Variants in USP6NL observed in about 807,000 individuals in gnomAD.
The protein encoded by USP6NL is USP6 N-terminal like, also known as USP6 N-terminal-like protein.
A neutral mutation model predicts 61.9 loss-of-function variants in USP6NL; 26 were observed. That is an observed-to-expected ratio of 0.42 (90% CI 0.31 to 0.58). The LOEUF is 0.58. Among genes scored for constraint, USP6NL ranks in the 20% least tolerant of loss-of-function variants. The probability of loss-of-function intolerance (pLI) is 0.16; values close to 1 mark genes in which losing one functional copy is unlikely to be tolerated. For synonymous variants in USP6NL, 432 were observed against 390.1 expected, an observed-to-expected ratio of 1.11 and a Z score of -1.27; for missense variants, 1,114 against 1,034.3, an observed-to-expected ratio of 1.08 and a Z score of -1.06.
At chr10:11,566,352 A>G (rs931406504) in intron 2 of USP6NL, among the ~76,000 whole-genome samples, 4 of 152,250 alleles carry the variant, frequency 2.6e-5, no homozygotes, top group African/African-American at 9.6e-5. Context: ...ACAAAGCATA[A>G]TAAATCTGAA....
intron 2 of USP6NL, among the ~76,000 whole-genome samples, chr10:11,556,010 C>T (rs901800107): frequency 5.3e-5 from 8 of 151,952 alleles, no homozygotes; most frequent in Admixed American, 6.6e-5. Context: ...AGGGGTTCTA[C>T]GAGCAGAAAA....
chr10:11,564,266 A>G (rs1837042150), intron 2 of USP6NL: 2 of 152,226 alleles, frequency 1.3e-5, no homozygotes, highest in Admixed American at 6.5e-5. Context: ...TATTTAAATT[A>G]TATCAAGATA....
chr10:11,534,067 A>G (rs1435544406), intron 2 of USP6NL, among the ~76,000 whole-genome samples: 1 of 151,782 alleles, frequency 6.6e-6, no homozygotes, highest in African/African-American at 2.4e-5. Context: ...ATCATCCTAC[A>G]TATCTGAACA....
Position 11,462,670 on chromosome 10 carries a change from G to A in USP6NL, c.2258C>T (p.Thr753Ile). ...TAAATTGCCACGGCTAGCATCTCGG[G>A]TCCATGATTGTCCCTGCGTCTCAGG... ...YRPETQGQSW[T>I]RDASRGNLPK... The change falls in exon 15 of 15, where the codon ACC (threonine) becomes ATC (isoleucine). Residue 753 changes from threonine (T) to isoleucine (I), a missense_variant. By Grantham distance (89) the Thr-to-Ile change is moderately conservative. Transcript: ENST00000609104. The A allele has an allele frequency of 6.2e-7, 1 of 1,613,984 alleles. No homozygotes were observed. The highest frequency in any genetic ancestry group is 8.5e-7 in the Non-Finnish European group (1 of 1,179,888).
rs767577447 is a variant in USP6NL, at chr10:11,581,067, AAACT to A, written c.4+16560_4+16563del. 1.5e-3 allele frequency among the ~76,000 whole-genome samples: 230 copies of A among 152,350 alleles called. 2 individuals are homozygous for A. Among genetic ancestry groups the A allele is most frequent in the Non-Finnish European group, 6.6e-4 (45 of 68,034 alleles). Reference sequence around the variant, plus strand: ...ACACCCTAGACTCTTAAAGAATTACAAACTAATAGGTCTCTATTTTCTTCTTTTT... The same window carrying A: ...ACACCCTAGACTCTTAAAGAATTACAAATAGGTCTCTATTTTCTTCTTTTT... On this transcript the variant is annotated intron_variant, in intron 2 of 14. Coordinates refer to ENST00000609104, the MANE Select transcript of USP6NL (RefSeq NM_014688.5).
At chr10:11,551,863 T>C (rs572678597) in intron 2 of USP6NL, among the ~76,000 whole-genome samples, 32 of 152,320 alleles carry the variant, frequency 2.1e-4, no homozygotes, top group African/African-American at 6.5e-4. Flanking sequence ...TTGAAATAGT[T>C]GGGGCAGCTC....
chr10:11,467,383 C>T (rs550385789), intron 14 of USP6NL, among the ~76,000 whole-genome samples: 2 of 152,166 alleles, frequency 1.3e-5, no homozygotes, highest in African/African-American at 4.8e-5. Flanking sequence ...GAAACAAATT[C>T]TCCAATTTGA....
Position 11,461,066 on chromosome 10 carries a change from T to C in USP6NL, c.*1375A>G, listed in dbSNP as rs1177915534. ...ACCTTGAAAGTTTAAAGCCCCACCT[T>C]GCAACAGGAAGAAACATCAATGTCG... On this transcript the variant is annotated 3_prime_UTR_variant, in exon 15 of 15. Coordinates refer to ENST00000609104, the MANE Select transcript of USP6NL (RefSeq NM_014688.5). 6.6e-6 allele frequency: 1 copy of C among 152,394 alleles called. No individual in the cohort carries two copies. Among genetic ancestry groups the C allele is most frequent in the African/African-American group, 2.4e-5 (1 of 41,454 alleles). The allele number at this position is 152,394 out of a possible 1,614,324, so 9.4% of individuals were successfully genotyped here.
Position 11,532,841 on chromosome 10 carries a change from G to T in USP6NL, c.5-5274C>A, listed in dbSNP as rs1835711636. 6.6e-6 allele frequency among the ~76,000 whole-genome samples: 1 copy of T among 152,082 alleles called. No individual in the cohort carries two copies. The highest frequency in any genetic ancestry group is 1.5e-5 in the Non-Finnish European group (1 of 68,008). On this transcript the variant is annotated intron_variant, in intron 2 of 14. Transcript: ENST00000609104. The surrounding 1 kb of genome is among the most constrained non-coding windows in gnomAD (Gnocchi z 4.1). ...AATACATGCTAAAGTAGTGGTTTTG[G>T]ACGTTTTTAACAAACCACACACACA...
rs1298785381 is a variant in USP6NL at position 11,465,951 on chromosome 10, AC to A, written c.1079-2103del. 2.0e-5 allele frequency among the ~76,000 whole-genome samples: 3 copies of A among 152,234 alleles called. No individual in the cohort carries two copies. Among genetic ancestry groups the A allele is most frequent in the African/African-American group, 7.2e-5 (3 of 41,454 alleles). On this transcript the variant is annotated intron_variant, in intron 14 of 14. Transcript: ENST00000609104. This position sits in a 1 kb window ranked among gnomAD's most constrained non-coding sequence, Gnocchi z 4.5. ...TTTTCAGTGTCAACAATGTAATGAA[AC>A]AAACTACAGTGATTATAATAAAATG...
intron 8 of USP6NL, among the ~76,000 whole-genome samples, chr10:11,492,559 T>C (rs1257097999): frequency 4.6e-5 from 7 of 152,208 alleles, no homozygotes; most frequent in Non-Finnish European, 1.0e-4. Context: ...CCTGTGGATT[T>C]TGGCCTTGCC....
At position 11,561,393 on chromosome 10, in the gene USP6NL, A is replaced by T. The variant is rs1432527227; in HGVS notation, c.5-33826T>A. Among the ~76,000 whole-genome samples, 1 of 152,232 alleles carries T rather than the reference A, an allele frequency of 6.6e-6. No individual in the cohort carries two copies. Among genetic ancestry groups the T allele is most frequent in the Non-Finnish European group, 1.5e-5 (1 of 68,038 alleles). On this transcript the variant is annotated intron_variant, in intron 2 of 14. Transcript: ENST00000609104. This position sits in a 1 kb window ranked among gnomAD's most constrained non-coding sequence, Gnocchi z 4.1. ...CACATTCTAAAACAGATTTAAACAT[A>T]CCATACACAGGATACACATGTGCAT... is the stretch of plus-strand genomic sequence containing the variant.
chr10:11,532,397 G>GT lies in USP6NL; in HGVS notation c.5-4831dup, dbSNP rs1189312429. The GT allele has an allele frequency of 1.8e-6, 1 of 544,994 alleles. No homozygotes were observed. Among genetic ancestry groups the GT allele is most frequent in the African/African-American group, 1.9e-5 (1 of 52,310 alleles). 33.8% of individuals were successfully genotyped at this position (544,994 alleles called of 1,614,324 possible). A position where few individuals can be genotyped will look rare whatever the true frequency, so the allele number is the denominator to read the frequency against. The stretch of plus-strand genomic sequence containing the variant: ...TGTGAAACAAGCACAAGAAGAAAAA[G>GT]TTTGAGATGCACTCTGTCTTCTTCT... On this transcript the variant is annotated intron_variant, in intron 2 of 14. Coordinates refer to ENST00000609104, the MANE Select transcript of USP6NL (RefSeq NM_014688.5). The surrounding 1 kb of genome is among the most constrained non-coding windows in gnomAD (Gnocchi z 4.1).
At chr10:11,530,180 T>G (rs1035547514) in intron 2 of USP6NL, among the ~76,000 whole-genome samples, 15 of 151,596 alleles carry the variant, frequency 9.9e-5, no homozygotes, top group Admixed American at 9.2e-4. Flanking sequence ...ATTTCTATTA[T>G]CAGAACTGCA....
chr10:11,581,106 C>T (rs554599405), intron 2 of USP6NL, among the ~76,000 whole-genome samples: 3 of 152,202 alleles, frequency 2.0e-5, no homozygotes, highest in African/African-American at 7.2e-5. Context: ...TGTCAATACA[C>T]ATCTCTAATA....
intron 2 of USP6NL, among the ~76,000 whole-genome samples, chr10:11,536,256 C>T (rs934905691): frequency 2.0e-5 from 3 of 152,130 alleles, no homozygotes; most frequent in Non-Finnish European, 4.4e-5. Flanking sequence ...TCCTCTTGAC[C>T]CTTTTATTTC....
chr10:11,530,206 T>C (rs535150441), intron 2 of USP6NL, among the ~76,000 whole-genome samples: 2 of 152,252 alleles, frequency 1.3e-5, no homozygotes, highest in South Asian at 4.1e-4. Flanking sequence ...TGAATTTCTT[T>C]AGTAATCAGG....
Position 11,485,032 on chromosome 10 carries a change from G to A in USP6NL, c.864C>T (p.Tyr288=), listed in dbSNP as rs371490891. The A allele has an allele frequency of 5.3e-5, 82 of 1,551,282 alleles. No homozygotes were observed. The African/African-American group carries it at 1.1e-3, about 20-fold the overall frequency. Residue 288 remains tyrosine (Y), a synonymous_variant, in exon 13 of 15, where the codon TAC becomes TAT. Transcript: ENST00000609104. The surrounding 1 kb of genome is among the most constrained non-coding windows in gnomAD (Gnocchi z 4.8). ...TAAGAACTCGTTCTCCTTCAAAGAT[G>A]TAGATATCCCATATTCTGAGGTTTA... ...FTLNLRIWDI[Y]IFEGERVLTA... is the part of the protein sequence containing the mutation.
chr10:11,565,686 G>A (rs1261584793), intron 2 of USP6NL: 1 of 151,960 alleles, frequency 6.6e-6, no homozygotes, highest in Admixed American at 6.6e-5. Context: ...CATCTGCAAT[G>A]GTGATGTGCA....
Sources: gnomAD v4.1 joint callset for allele counts (sites outside exome capture counted in the v4.1 genomes callset) on GRCh38, gnomAD v4.1.1 for gene constraint, Gnocchi (gnomAD v3.1) non-coding constraint, MANE v1.5 for transcripts, NCBI Gene and HGNC (gene_info 2026-07-23, HGNC 2026-07-21) for gene names.